HRK: variants seen among roughly 807,000 people sequenced by gnomAD.
HRK encodes activator of apoptosis harakiri.
HRK carries 6 observed loss-of-function variants against 5.9 expected under a neutral mutation model. The ratio of observed to expected loss-of-function variants is 1.02; its 90% CI spans 0.56 to 2.01. The LOEUF (loss-of-function observed/expected upper bound fraction) is 2.01, where lower values mean the gene tolerates loss of function less well. HRK is among the 30% of genes most tolerant of loss of function. The pLI is 0.00. For missense variants in HRK, 133 were observed against 128.3 expected (o/e 1.04, Z -0.18); for synonymous variants, 85 against 65.1 (o/e 1.31, Z -1.47).
chr12:116,864,171 T>C (rs1303672713), intron 1 of HRK, among the ~76,000 whole-genome samples: 2 of 152,212 alleles, frequency 1.3e-5, no homozygotes, highest in African/African-American at 4.8e-5. Flanking sequence ...AACATCTCTG[T>C]TGGTGTCTAG....
intron 1 of HRK, among the ~76,000 whole-genome samples, chr12:116,873,880 T>C (rs1878843519): frequency 6.6e-6 from 1 of 152,144 alleles, no homozygotes; most frequent in Non-Finnish European, 1.5e-5. Flanking sequence ...ATGCAACTTA[T>C]TGATGTGGGC....
rs1878149846 is a variant in HRK at position 116,856,442 on chromosome 12, G to A, written c.*5081C>T. 6.6e-6 allele frequency: 1 copy of A among 152,236 alleles called. No individual in the cohort carries two copies. Among genetic ancestry groups the A allele is most frequent in the African/African-American group, 2.4e-5 (1 of 41,458 alleles). The allele number at this position is 152,236 out of a possible 1,614,324, so 9.4% of individuals were successfully genotyped here. On this transcript the variant is annotated 3_prime_UTR_variant, in exon 2 of 2. Coordinates refer to ENST00000257572, the MANE Select transcript of HRK (RefSeq NM_003806.4). The surrounding 1 kb of genome is among the most constrained non-coding windows in gnomAD (Gnocchi z 4.4). ...GGTTGGAGAAGAGGGTAGAAAGGAG[G>A]TAAGAAAAGCTTCCCGTGTCCTAGG...
chr12:116,870,769 C>T (rs1260327050), intron 1 of HRK, among the ~76,000 whole-genome samples: 1 of 152,178 alleles, frequency 6.6e-6, no homozygotes, highest in African/African-American at 2.4e-5. Flanking sequence ...CATTGCACCG[C>T]AGCCTGGGCA....
At chr12:116,864,930 T>C (rs1292664376) in intron 1 of HRK, among the ~76,000 whole-genome samples, 2 of 152,184 alleles carry the variant, frequency 1.3e-5, no homozygotes, top group Admixed American at 6.5e-5. Context: ...TCGTAAAGAA[T>C]TTTCTCAGAT....
intron 1 of HRK, among the ~76,000 whole-genome samples, chr12:116,866,357 G>A (rs1878546736): frequency 6.8e-6 from 1 of 147,804 alleles, no homozygotes; most frequent in Admixed American, 6.8e-5. Context: ...AGGAGTTTGA[G>A]GCCAACCTGG....
chr12:116,869,788 C>G (rs1293542187), intron 1 of HRK: 1 of 152,180 alleles, frequency 6.6e-6, no homozygotes, highest in African/African-American at 2.4e-5. Context: ...GAAAAATGGA[C>G]CTTGGCCACG....
rs1387112829 is a variant in HRK at position 116,859,562 on chromosome 12, C to T, written c.*1961G>A. ...CTGCAGTCCCCAGCTAAGCGAGGGT[C>T]CCCTGCAAACATCAGCTAGGGGGAG... On this transcript the variant is annotated 3_prime_UTR_variant, in exon 2 of 2. Transcript: ENST00000257572. 1 of 152,166 alleles carries T rather than the reference C, an allele frequency of 6.6e-6. No individual in the cohort carries two copies. The highest frequency in any genetic ancestry group is 1.5e-5 in the Non-Finnish European group (1 of 68,024). 9.4% of individuals were successfully genotyped at this position (152,166 alleles called of 1,614,324 possible). A position where few individuals can be genotyped will look rare whatever the true frequency, so the allele number is the denominator to read the frequency against.
rs1473476999 is a variant in HRK, at chr12:116,857,735, A to C, written c.*3788T>G. On this transcript the variant is annotated 3_prime_UTR_variant, in exon 2 of 2. Coordinates refer to ENST00000257572, the MANE Select transcript of HRK (RefSeq NM_003806.4). ...ATTGGGTAAATCACCCTTTCCTCTC[A>C]CCATCAAAACAGAAAAGAATCAAAA... 6.6e-6 allele frequency: 1 copy of C among 152,184 alleles called. No homozygotes were observed. Among genetic ancestry groups the C allele is most frequent in the Non-Finnish European group, 1.5e-5 (1 of 68,030 alleles). The allele number at this position is 152,184 out of a possible 1,614,324, so 9.4% of individuals were successfully genotyped here.
rs1239915744 is a variant in HRK, at chr12:116,859,858, G to A, written c.*1665C>T. 6.6e-6 allele frequency: 1 copy of A among 152,200 alleles called. No individual in the cohort carries two copies. Among genetic ancestry groups the A allele is most frequent in the Non-Finnish European group, 1.5e-5 (1 of 68,056 alleles). The allele number at this position is 152,200 out of a possible 1,614,324, so 9.4% of individuals were successfully genotyped here. A position where few individuals can be genotyped will look rare whatever the true frequency, so the allele number is the denominator to read the frequency against. ...CCTGGTCATTTACAGCAAAGCCTAT[G>A]GAGGGATAATTCCCATTTCAGCCGC... is the stretch of plus-strand genomic sequence containing the variant. On this transcript the variant is annotated 3_prime_UTR_variant, in exon 2 of 2. Transcript: ENST00000257572.
chr12:116,877,350 C>A (rs956777558), intron 1 of HRK, among the ~76,000 whole-genome samples: 1 of 152,072 alleles, frequency 6.6e-6, no homozygotes, highest in Non-Finnish European at 1.5e-5. Context: ...ACCACTGGCC[C>A]GGCCTGCACT....
In HRK at chr12:116,858,582, A is replaced by T. The variant is rs1878242765; in HGVS notation, c.*2941T>A. 1.1e-5 allele frequency: 1 copy of T among 88,214 alleles called. No individual in the cohort carries two copies. Among genetic ancestry groups the T allele is most frequent in the South Asian group, 3.9e-4 (1 of 2,534 alleles). The allele number at this position is 88,214 out of a possible 1,614,324, so 5.5% of individuals were successfully genotyped here. A position where few individuals can be genotyped will look rare whatever the true frequency, so the allele number is the denominator to read the frequency against. ...TCCCTCTGCTTGTACGGTCACACAC[A>T]CACACACACACACACACACACACAC... is the stretch of plus-strand genomic sequence containing the variant. On this transcript the variant is annotated 3_prime_UTR_variant, in exon 2 of 2. Transcript: ENST00000257572.
In HRK at chr12:116,881,174, T is replaced by G. The variant is rs1349789895; in HGVS notation, c.134A>C (p.His45Pro). The G allele has an allele frequency of 8.6e-7, 1 of 1,166,514 alleles. No homozygotes were observed. Among genetic ancestry groups the G allele is most frequent in the Non-Finnish European group, 1.1e-6 (1 of 948,456 alleles). The allele number at this position is 1,166,514 out of a possible 1,614,324, so 72.3% of individuals were successfully genotyped here. A position where few individuals can be genotyped will look rare whatever the true frequency, so the allele number is the denominator to read the frequency against. Residue 45 changes from histidine to proline, a missense_variant, in exon 1 of 2, where the codon CAC (histidine) becomes CCC (proline). His to Pro is a moderately conservative substitution (Grantham distance 77). Transcript: ENST00000257572. ...ARLKALGDEL[H>P]QRTMWRRRAR... ...GCGGCGCCGCCACATGGTGCGCTGG[T>G]GCAGCTCGTCGCCTAGCGCCTTGAG...
intron 1 of HRK, among the ~76,000 whole-genome samples, chr12:116,868,373 TC>T (rs1247946936): frequency 6.6e-6 from 1 of 152,164 alleles, no homozygotes; most frequent in Non-Finnish European, 1.5e-5. Flanking sequence ...ACTCAGACAC[TC>T]CTACTATCCC....
In HRK at chr12:116,862,312, A is replaced by G. The variant is rs1878394331; in HGVS notation, c.*57-846T>C. ...TTATCCATAATAGCAAAATACGGAA[A>G]CAACCCAAATGTCCATCAACTGATG... On this transcript the variant is annotated intron_variant, in intron 1 of 1. Coordinates refer to ENST00000257572, the MANE Select transcript of HRK (RefSeq NM_003806.4). This position sits in a 1 kb window ranked among gnomAD's most constrained non-coding sequence, Gnocchi z 4.0. 6.6e-6 allele frequency among the ~76,000 whole-genome samples: 1 copy of G among 152,250 alleles called. No homozygotes were observed. Among genetic ancestry groups the G allele is most frequent in the Non-Finnish European group, 1.5e-5 (1 of 68,040 alleles).
rs967556474 is a variant in HRK at position 116,860,142 on chromosome 12, A to G, written c.*1381T>C. On this transcript the variant is annotated 3_prime_UTR_variant, in exon 2 of 2. Coordinates refer to ENST00000257572, the MANE Select transcript of HRK (RefSeq NM_003806.4). ...ACACCTCGCCACCTCGGCTTTGAAA[A>G]TGGCAGTGTGTGGTATCCTGCACAG... The G allele has an allele frequency of 1.3e-5, 2 of 151,648 alleles. No homozygotes were observed. Among genetic ancestry groups the G allele is most frequent in the African/African-American group, 4.9e-5 (2 of 41,182 alleles). 9.4% of individuals were successfully genotyped at this position (151,648 alleles called of 1,614,324 possible).
Position 116,856,286 on chromosome 12 carries a change from A to T in HRK, c.*5237T>A, listed in dbSNP as rs1397643135. The stretch of plus-strand genomic sequence containing the variant: ...CCCAGAACGGAACGTCCCCAAGCTT[A>T]TTGCCTCTCTGGCTAGGCCAGAGGC... On this transcript the variant is annotated 3_prime_UTR_variant, in exon 2 of 2. Transcript: ENST00000257572. This position sits in a 1 kb window ranked among gnomAD's most constrained non-coding sequence, Gnocchi z 4.4. The T allele has an allele frequency of 6.6e-6, 1 of 152,188 alleles. No individual in the cohort carries two copies. Among genetic ancestry groups the T allele is most frequent in the Non-Finnish European group, 1.5e-5 (1 of 68,024 alleles). The allele number at this position is 152,188 out of a possible 1,614,324, so 9.4% of individuals were successfully genotyped here.
rs983269519 is a variant in HRK, at chr12:116,862,707, TTTTTG to T, written c.*57-1246_*57-1242del. ...CTTGTACACCTTAAAAAGGTAGGGT[TTTTTG>T]TTTGTTTGTTTGTTTGTTTGTTTGT... On this transcript the variant is annotated intron_variant, in intron 1 of 1. Coordinates refer to ENST00000257572, the MANE Select transcript of HRK (RefSeq NM_003806.4). The surrounding 1 kb of genome is among the most constrained non-coding windows in gnomAD (Gnocchi z 4.0). Among the ~76,000 whole-genome samples, 6 of 119,008 alleles carry T rather than the reference TTTTTG, an allele frequency of 5.0e-5. No individual in the cohort carries two copies. The highest frequency in any genetic ancestry group is 1.8e-4 in the African/African-American group (6 of 34,196). The allele number at this position is 119,008 out of a possible 152,430, so 78.1% of individuals were successfully genotyped here. A position where few individuals can be genotyped will look rare whatever the true frequency, so the allele number is the denominator to read the frequency against.
Position 116,861,365 on chromosome 12 carries a change from C to T in HRK, c.*158G>A, listed in dbSNP as rs1381469181. ...TCGCTCCAGGCGCTGTCTTTACTCT[C>T]CACTTCCTTCTCGAAGTGCCAACCG... On this transcript the variant is annotated 3_prime_UTR_variant, in exon 2 of 2. Coordinates refer to ENST00000257572, the MANE Select transcript of HRK (RefSeq NM_003806.4). The T allele has an allele frequency of 6.6e-6, 1 of 152,218 alleles. No individual in the cohort carries two copies. The highest frequency in any genetic ancestry group is 1.5e-5 in the Non-Finnish European group (1 of 68,042). The allele number at this position is 152,218 out of a possible 1,614,324, so 9.4% of individuals were successfully genotyped here. A position where few individuals can be genotyped will look rare whatever the true frequency, so the allele number is the denominator to read the frequency against.
At position 116,857,023 on chromosome 12, in the gene HRK, T is replaced by C. The variant is rs1878176685; in HGVS notation, c.*4500A>G. On this transcript the variant is annotated 3_prime_UTR_variant, in exon 2 of 2. Coordinates refer to ENST00000257572, the MANE Select transcript of HRK (RefSeq NM_003806.4). Reference sequence around the variant, plus strand: ...CCAGTCTGTTCATGCTGGAAATGAGTCGAGATTGCAGGCTTTTTAACTGCC... The same window carrying C: ...CCAGTCTGTTCATGCTGGAAATGAGCCGAGATTGCAGGCTTTTTAACTGCC... 6.6e-6 allele frequency: 1 copy of C among 152,194 alleles called. No homozygotes were observed. The highest frequency in any genetic ancestry group is 1.5e-5 in the Non-Finnish European group (1 of 68,040). 9.4% of individuals were successfully genotyped at this position (152,194 alleles called of 1,614,324 possible). A position where few individuals can be genotyped will look rare whatever the true frequency, so the allele number is the denominator to read the frequency against.
Sources: allele counts gnomAD v4.1 joint callset (sites outside exome capture counted in the v4.1 genomes callset), GRCh38; gene constraint gnomAD v4.1.1; non-coding constraint Gnocchi (gnomAD v3.1); transcripts MANE v1.5; gene names NCBI Gene and HGNC (gene_info 2026-07-23, HGNC 2026-07-21).